STKLD1: variants seen among roughly 807,000 people sequenced by gnomAD.
STKLD1 encodes serine/threonine kinase like domain containing 1.
A neutral mutation model predicts 80.4 loss-of-function variants in STKLD1; 79 were observed. The observed-to-expected ratio is 0.98, with a 90% CI of 0.82 to 1.19. The LOEUF is 1.19. Among genes scored for constraint, STKLD1 ranks in the 50% most tolerant of loss-of-function variants. STKLD1 has a pLI of 0.00. For synonymous variants in STKLD1, 393 were observed against 357.6 expected, an observed-to-expected ratio of 1.10 and a Z score of -1.12; for missense variants, 841 against 856.0, an observed-to-expected ratio of 0.98 and a Z score of 0.22.
chr9:133,403,986 A>G lies in STKLD1; in HGVS notation c.1670A>G (p.Gln557Arg). ...ALLLQSIRLC[Q>R]DRALLVNNAY... The stretch of plus-strand genomic sequence containing the variant: ...CTCCTGCAAAGCATCCGGCTGTGCC[A>G]GGACAGAGCCCTGCTGGTGAACAAT... The change falls in exon 16 of 18, where the codon CAG becomes CGG. Residue 557 changes from glutamine to arginine, a missense_variant. Physicochemically the swap from Gln to Arg is conservative, Grantham distance 43. Transcript: ENST00000371957. 6.2e-7 allele frequency: 1 copy of G among 1,612,008 alleles called. No homozygotes were observed. The highest frequency in any genetic ancestry group is 8.5e-7 in the Non-Finnish European group (1 of 1,179,332).
rs33919837 is a variant in STKLD1, at chr9:133,403,828, G to T, written c.1603G>T (p.Gly535Cys). The change falls in exon 15 of 18, where the codon GGC (glycine) becomes TGC (cysteine). Residue 535 changes from glycine (G) to cysteine (C), a missense_variant and splice_region_variant. Transcript: ENST00000371957. ...CGVFWLLSLL[G>C]CIKEQQFEQV... The stretch of plus-strand genomic sequence containing the variant: ...AGTCTTCTGGCTGCTGTCCCTGCTG[G>T]GTGAGCTGGGTGGGCGCCCTGGGCC... The T allele has an allele frequency of 0.073, 118,062 of 1,613,168 alleles. 4,917 individuals are homozygous for T. Among genetic ancestry groups the T allele is most frequent in the Non-Finnish European group, 0.086 (101,038 of 1,179,752 alleles).
At position 133,394,264 on chromosome 9, in the gene STKLD1, G is replaced by T; in HGVS notation, c.584-27G>T. ...CTGCCCCCAGGGAGCAAAGGACTCA[G>T]GGATCCCACCTTGCTTTTACCAACA... On this transcript the variant is annotated intron_variant, in intron 7 of 17. Transcript: ENST00000371957. This position sits in a 1 kb window ranked among gnomAD's most constrained non-coding sequence, Gnocchi z 4.9. 1.3e-6 allele frequency: 2 copies of T among 1,518,624 alleles called. No individual in the cohort carries two copies. Among genetic ancestry groups the T allele is most frequent in the Non-Finnish European group, 1.8e-6 (2 of 1,093,190 alleles). The allele number at this position is 1,518,624 out of a possible 1,614,324, so 94.1% of individuals were successfully genotyped here.
At position 133,394,281 on chromosome 9, in the gene STKLD1, T is replaced by G. The variant is rs1554776370; in HGVS notation, c.584-10T>G. 1 of 1,600,134 alleles carries G rather than the reference T, an allele frequency of 6.2e-7. No homozygotes were observed. Among genetic ancestry groups the G allele is most frequent in the Middle Eastern group, 1.7e-4 (1 of 6,032 alleles). Reference sequence around the variant, plus strand: ...AGGACTCAGGGATCCCACCTTGCTTTTACCAACAGACCCCTTTCGTAAGTC... The same window carrying G: ...AGGACTCAGGGATCCCACCTTGCTTGTACCAACAGACCCCTTTCGTAAGTC... On this transcript the variant is annotated splice_polypyrimidine_tract_variant and intron_variant, in intron 7 of 17. Transcript: ENST00000371957. This position sits in a 1 kb window ranked among gnomAD's most constrained non-coding sequence, Gnocchi z 4.9.
At chr9:133,395,828 T>C in intron 9 of STKLD1, 65 bp downstream of exon 9, 2 of 1,533,018 alleles carry the variant, frequency 1.3e-6, no homozygotes, top group Non-Finnish European at 1.8e-6. Flanking sequence ...TCCACCCTAA[T>C]ACAAGCACAG....
rs199987470 is a variant in STKLD1, at chr9:133,399,261, CCCAT to C, written c.1082-1145_1082-1142del. On this transcript the variant is annotated intron_variant, in intron 11 of 17. Coordinates refer to ENST00000371957, the MANE Select transcript of STKLD1 (RefSeq NM_153710.5). ...ACATATCCATCCATCCACCCATCCACCCATCCATCCGTCTGTCTATCCATCAGAC... is the reference window on the plus strand; with the variant it reads ...ACATATCCATCCATCCACCCATCCACCCATCCGTCTGTCTATCCATCAGAC... Among the ~76,000 whole-genome samples, 36 of 152,210 alleles carry C rather than the reference CCCAT, an allele frequency of 2.4e-4. No individual in the cohort carries two copies. In the East Asian group the frequency reaches 6.8e-3, roughly 29 times the overall value.
In STKLD1 at chr9:133,398,012, C is replaced by T; in HGVS notation, c.1038C>T (p.Leu346=). The T allele has an allele frequency of 1.2e-6, 2 of 1,613,670 alleles. No homozygotes were observed. Among genetic ancestry groups the T allele is most frequent in the Non-Finnish European group, 8.5e-7 (1 of 1,179,928 alleles). ...TCTCTGGCTGGCCCGAAGTCCAGCT[C>T]AGGGCCATGAAGAGGCTTCTGAAAA... ...QKFSGWPEVQ[L]RAMKRLLKMP... The change falls in exon 11 of 18, where the codon CTC becomes CTT. Residue 346 remains leucine (L), a synonymous_variant. Coordinates refer to ENST00000371957, the MANE Select transcript of STKLD1 (RefSeq NM_153710.5).
intron 4 of STKLD1, among the ~76,000 whole-genome samples, chr9:133,386,983 A>C (rs1838279575): frequency 1.3e-5 from 2 of 152,150 alleles, no homozygotes; most frequent in African/African-American, 4.8e-5. Flanking sequence ...TAATGCTCTC[A>C]AGGAGGGTGC....
chr9:133,399,947 G>T (rs1213481470), intron 11 of STKLD1, among the ~76,000 whole-genome samples: 1 of 151,206 alleles, frequency 6.6e-6, no homozygotes, highest in Non-Finnish European at 1.5e-5. Context: ...CTTCATCCTT[G>T]TTGCTCTCAT....
chr9:133,404,104 C>A, intron 16 of STKLD1, 56 bp downstream of exon 16: 1 of 1,501,946 alleles, frequency 6.7e-7, no homozygotes, highest in Non-Finnish European at 8.9e-7. Context: ...AGAATCAGCC[C>A]CCATCAGTTA....
rs2130247638 is a variant in STKLD1 at position 133,376,439 on chromosome 9, G to T, written c.-35G>T. ...CTGACCCACGCGGGGTGGGGCCAGG[G>T]GTGGACGCTCGCCCGTACGCGGTCG... is the stretch of plus-strand genomic sequence containing the variant. On this transcript the variant is annotated 5_prime_UTR_variant, in exon 1 of 18. Transcript: ENST00000371957. 1.9e-6 allele frequency: 3 copies of T among 1,543,688 alleles called. No homozygotes were observed. In the South Asian group the frequency reaches 3.6e-5, roughly 19 times the overall value.
chr9:133,400,583 C>A, intron 12 of STKLD1, 54 bp downstream of exon 12: 1 of 1,441,154 alleles, frequency 6.9e-7, no homozygotes, highest in Non-Finnish European at 9.7e-7. Context: ...CTGCTTCCTG[C>A]AGCTGTGCCT....
intron 5 of STKLD1, chr9:133,388,783 T>G: frequency 2.0e-6 from 2 of 985,410 alleles, no homozygotes; most frequent in Non-Finnish European, 1.2e-6. Flanking sequence ...AGAACTGTGT[T>G]TGGGGGGACC....
chr9:133,378,993 G>A, intron 1 of STKLD1, 43 bp from the exon 2 acceptor site: 1 of 1,579,508 alleles, frequency 6.3e-7, no homozygotes, highest in Non-Finnish European at 8.7e-7. Flanking sequence ...AAAGGGAAAA[G>A]TTGTGTGCAT....
intron 11 of STKLD1, among the ~76,000 whole-genome samples, chr9:133,398,890 TC>T (rs1464391849): frequency 6.6e-6 from 1 of 152,152 alleles, no homozygotes; most frequent in African/African-American, 2.4e-5. Context: ...TCTCGCTCTG[TC>T]CCCCAGGCTG....
Position 133,405,849 on chromosome 9 carries a change from G to T in STKLD1, c.*428G>T. On this transcript the variant is annotated 3_prime_UTR_variant, in exon 18 of 18. Coordinates refer to ENST00000371957, the MANE Select transcript of STKLD1 (RefSeq NM_153710.5). Reference sequence around the variant, plus strand: ...TGTTTCCCTTGGGGTGGGGGGAAGGGTCATCCAGCACCAGAATGCGCATCT... The same window carrying T: ...TGTTTCCCTTGGGGTGGGGGGAAGGTTCATCCAGCACCAGAATGCGCATCT... The T allele has an allele frequency of 6.3e-6, 1 of 159,130 alleles. No homozygotes were observed. Among genetic ancestry groups the T allele is most frequent in the Non-Finnish European group, 1.4e-5 (1 of 72,672 alleles). The allele number at this position is 159,130 out of a possible 1,614,324, so 9.9% of individuals were successfully genotyped here.
chr9:133,384,080 C>T lies in STKLD1; in HGVS notation c.219+180C>T. ...CCCAGGTCATGAAGGGAGTCCATGC[C>T]CCAAACACTCACTGCTAAATGCAGG... On this transcript the variant is annotated intron_variant, in intron 3 of 17. Coordinates refer to ENST00000371957, the MANE Select transcript of STKLD1 (RefSeq NM_153710.5). This position sits in a 1 kb window ranked among gnomAD's most constrained non-coding sequence, Gnocchi z 4.3. The T allele has an allele frequency of 3.3e-6, 2 of 607,002 alleles. No homozygotes were observed. Among genetic ancestry groups the T allele is most frequent in the Non-Finnish European group, 5.9e-6 (2 of 340,514 alleles). The allele number at this position is 607,002 out of a possible 1,614,324, so 37.6% of individuals were successfully genotyped here.
intron 4 of STKLD1, 34 bp from the exon 5 acceptor site, chr9:133,387,413 G>T: frequency 6.3e-7 from 1 of 1,580,430 alleles, no homozygotes; most frequent in Non-Finnish European, 8.7e-7. Context: ...CGGGGCCTGG[G>T]CGTCCTTTGG....
chr9:133,382,756 TA>T (rs1838169498), intron 2 of STKLD1, among the ~76,000 whole-genome samples: 2 of 146,422 alleles, frequency 1.4e-5, no homozygotes, highest in South Asian at 4.4e-4. Flanking sequence ...ATGATGATGG[TA>T]ATGATGGTGA....
At position 133,403,933 on chromosome 9, in the gene STKLD1, G is replaced by A; in HGVS notation, c.1617G>A (p.Glu539=). Residue 539 remains glutamate (E), a synonymous_variant, in exon 16 of 18, where the codon GAG becomes GAA. Transcript: ENST00000371957. Reference sequence around the variant, plus strand: ...CCCTTTCTGCAGGCTGCATCAAGGAGCAGCAGTTTGAACAAGTGGTGGCGC... The same window carrying A: ...CCCTTTCTGCAGGCTGCATCAAGGAACAGCAGTTTGAACAAGTGGTGGCGC... ...WLLSLLGCIK[E]QQFEQVVALL... is the part of the protein sequence containing the mutation. The A allele has an allele frequency of 6.2e-7, 1 of 1,607,544 alleles. No homozygotes were observed. The highest frequency in any genetic ancestry group is 8.5e-7 in the Non-Finnish European group (1 of 1,176,406).
Sources: allele counts gnomAD v4.1 joint callset (sites outside exome capture counted in the v4.1 genomes callset), GRCh38; gene constraint gnomAD v4.1.1; non-coding constraint Gnocchi (gnomAD v3.1); transcripts MANE v1.5; gene names NCBI Gene and HGNC (gene_info 2026-07-23, HGNC 2026-07-21).